Variants in NALF1 observed in about 807,000 individuals in gnomAD.
NALF1 encodes NALCN channel auxiliary factor 1.
NALF1 carries 3 observed loss-of-function variants against 48.4 expected under a neutral mutation model. That is an observed-to-expected ratio of 0.06 (90% CI 0.03 to 0.16). The LOEUF (loss-of-function observed/expected upper bound fraction) is 0.16, where lower values mean the gene tolerates loss of function less well. Among genes scored for constraint, NALF1 ranks in the 10% least tolerant of loss-of-function variants. NALF1 has a pLI of 1.00. For synonymous variants in NALF1, 262 were observed against 245.7 expected, an observed-to-expected ratio of 1.07 and a Z score of -0.62; for missense variants, 526 against 571.5, an observed-to-expected ratio of 0.92 and a Z score of 0.81.
At chr13:107,316,084 T>C (rs1171814071) in intron 1 of NALF1, among the ~76,000 whole-genome samples, 1 of 152,070 alleles carries the variant, frequency 6.6e-6, no homozygotes, top group Non-Finnish European at 1.5e-5. Flanking sequence ...TGTGTGATGT[T>C]TCCCCTCCTG....
intron 1 of NALF1, among the ~76,000 whole-genome samples, chr13:107,841,756 A>G (rs1024653094): frequency 6.6e-6 from 1 of 152,018 alleles, no homozygotes; most frequent in African/African-American, 2.4e-5. Flanking sequence ...GGGAAAGCAT[A>G]TTGTTTAAAT....
chr13:107,462,667 G>C (rs528268355), intron 1 of NALF1, among the ~76,000 whole-genome samples: 7 of 152,292 alleles, frequency 4.6e-5, no homozygotes, highest in African/African-American at 1.7e-4. Context: ...CCCTATGAGA[G>C]CAGCACTATG....
At chr13:107,451,225 A>T (rs915307911) in intron 1 of NALF1, among the ~76,000 whole-genome samples, 1 of 152,148 alleles carries the variant, frequency 6.6e-6, no homozygotes, top group African/African-American at 2.4e-5. Context: ...CAGGAGGCAG[A>T]TGCCAGATAG....
intron 1 of NALF1, among the ~76,000 whole-genome samples, chr13:107,478,583 A>G (rs1333349285): frequency 6.6e-6 from 1 of 152,130 alleles, no homozygotes; most frequent in Non-Finnish European, 1.5e-5. Context: ...ATTTTTCGGA[A>G]AGTCAAAACA....
chr13:107,300,440 T>C (rs930438544), intron 1 of NALF1, among the ~76,000 whole-genome samples: 2 of 152,206 alleles, frequency 1.3e-5, no homozygotes, highest in African/African-American at 2.4e-5. Context: ...ATTCACAGTG[T>C]TGCTTTAATT....
At chr13:107,534,042 A>G (rs567271579) in intron 1 of NALF1, among the ~76,000 whole-genome samples, 2 of 152,204 alleles carry the variant, frequency 1.3e-5, no homozygotes, top group African/African-American at 4.8e-5. Context: ...GCAGAGAGAA[A>G]TGGAACGTGA....
chr13:107,223,729 ATT>A (rs1398102625), intron 1 of NALF1, among the ~76,000 whole-genome samples: 2 of 152,158 alleles, frequency 1.3e-5, no homozygotes, highest in African/African-American at 4.8e-5. Context: ...AATACAGTGC[ATT>A]TTCTGTTCTC....
At chr13:107,791,421 G>T (rs1483571917) in intron 1 of NALF1, among the ~76,000 whole-genome samples, 1 of 152,054 alleles carries the variant, frequency 6.6e-6, no homozygotes, top group South Asian at 2.1e-4. Flanking sequence ...TGGGGCATGG[G>T]TGATTATCGT....
intron 2 of NALF1, among the ~76,000 whole-genome samples, chr13:107,195,585 G>A (rs1349642027): frequency 6.6e-6 from 1 of 152,142 alleles, no homozygotes; most frequent in African/African-American, 2.4e-5. Context: ...TATGTATAAA[G>A]CCTGCAGGCT....
In NALF1 at chr13:107,586,635, A is replaced by ATTTTTTTTTTTT. The variant is rs61429641; in HGVS notation, c.915+279035_915+279046dup. ...CTACATTTAAAGCTCCCCTATGGAG[A>ATTTTTTTTTTTT]TTTTTTTTTTTTTTGCTAGGAATGA... is the stretch of plus-strand genomic sequence containing the variant. On this transcript the variant is annotated intron_variant, in intron 1 of 2. Transcript: ENST00000375915. 6.0e-3 allele frequency among the ~76,000 whole-genome samples: 562 copies of ATTTTTTTTTTTT among 93,056 alleles called. 130 individuals carry two copies. Among genetic ancestry groups the ATTTTTTTTTTTT allele is most frequent in the African/African-American group, 0.021 (451 of 21,916 alleles). 61.0% of individuals were successfully genotyped at this position (93,056 alleles called of 152,430 possible). A position where few individuals can be genotyped will look rare whatever the true frequency, so the allele number is the denominator to read the frequency against.
chr13:107,215,994 A>C (rs1314353762), intron 1 of NALF1, among the ~76,000 whole-genome samples: 1 of 152,234 alleles, frequency 6.6e-6, no homozygotes, highest in Non-Finnish European at 1.5e-5. Context: ...TATATATTTT[A>C]TCACAAAGAA....
chr13:107,514,627 A>C (rs936751388), intron 1 of NALF1, among the ~76,000 whole-genome samples: 4 of 152,222 alleles, frequency 2.6e-5, no homozygotes, highest in Non-Finnish European at 5.9e-5. Flanking sequence ...GAATTGTTTG[A>C]AGAAGAGTTA....
In NALF1 at chr13:107,271,797, TATATATATA is replaced by T. The variant is rs1566470691; in HGVS notation, c.916-61051_916-61043del. On this transcript the variant is annotated intron_variant, in intron 1 of 2. Coordinates refer to ENST00000375915, the MANE Select transcript of NALF1 (RefSeq NM_001080396.3). ...GACTATATATATATATATATATATA[TATATATATA>T]TATATATATATTTATATATTTATAT... Among the ~76,000 whole-genome samples, 57 of 134,384 alleles carry T rather than the reference TATATATATA, an allele frequency of 4.2e-4. 2 individuals are homozygous for T. The highest frequency in any genetic ancestry group is 1.6e-3 in the African/African-American group (55 of 34,072). 88.2% of individuals were successfully genotyped at this position (134,384 alleles called of 152,430 possible).
intron 1 of NALF1, among the ~76,000 whole-genome samples, chr13:107,289,638 A>G (rs1179597765): frequency 1.3e-5 from 2 of 152,194 alleles, no homozygotes; most frequent in Admixed American, 1.3e-4. Flanking sequence ...TCAGATTCAA[A>G]TGTGCTGATC....
chr13:107,461,762 A>G (rs536661995), intron 1 of NALF1, among the ~76,000 whole-genome samples: 149 of 152,328 alleles, frequency 9.8e-4, no homozygotes, highest in African/African-American at 3.4e-3. Context: ...TATACACTAA[A>G]TTGTGCATAT....
At chr13:107,801,231 G>A (rs961363047) in intron 1 of NALF1, among the ~76,000 whole-genome samples, 1 of 152,140 alleles carries the variant, frequency 6.6e-6, no homozygotes, top group African/African-American at 2.4e-5. Context: ...CGTTCTAGAT[G>A]AGTGAATATA....
intron 1 of NALF1, among the ~76,000 whole-genome samples, chr13:107,554,908 G>C (rs922429635): frequency 1.3e-5 from 2 of 152,092 alleles, no homozygotes; most frequent in East Asian, 1.9e-4. Flanking sequence ...GGAGTGTAGA[G>C]AATGTCTAAG....
intron 1 of NALF1, among the ~76,000 whole-genome samples, chr13:107,245,892 A>G (rs1462991030): frequency 6.6e-6 from 1 of 152,108 alleles, no homozygotes; most frequent in Non-Finnish European, 1.5e-5. Context: ...CACATCCTGA[A>G]TGGAGTGTGC....
chr13:107,600,715 G>A (rs1172818319), intron 1 of NALF1, among the ~76,000 whole-genome samples: 1 of 152,108 alleles, frequency 6.6e-6, no homozygotes, highest in Non-Finnish European at 1.5e-5. Context: ...AAACATACAG[G>A]TGAATAAGAG....
Sources: gnomAD v4.1 joint callset for allele counts (sites outside exome capture counted in the v4.1 genomes callset) on GRCh38, gnomAD v4.1.1 for gene constraint, MANE v1.5 for transcripts, NCBI Gene and HGNC (gene_info 2026-07-23, HGNC 2026-07-21) for gene names.